The following TRIO variants were observed in gnomAD, a reference collection of about 807,000 sequenced individuals.
TRIO encodes trio Rho guanine nucleotide exchange factor, also known as triple functional domain protein.
A neutral mutation model predicts 351.9 loss-of-function variants in TRIO; 58 were observed. The observed-to-expected ratio is 0.16, with a 90% confidence interval of 0.13 to 0.21. TRIO has a LOEUF of 0.21. Among genes scored for constraint, TRIO ranks in the 10% least tolerant of loss-of-function variants. The pLI is 1.00. For missense variants in TRIO, 3,201 were observed against 4,027.8 expected (o/e 0.79, Z 5.56); for synonymous variants, 1,758 against 1,595.7 (o/e 1.10, Z -2.42).
intron 1 of TRIO, among the ~76,000 whole-genome samples, chr5:14,144,934 C>T (rs987442689): frequency 2.7e-5 from 2 of 73,512 alleles, no homozygotes; most frequent in African/African-American, 2.7e-4. Context: ...GCCTCGGGGC[C>T]GGCACCCAGA....
chr5:14,313,878 C>G (rs1382368480), intron 8 of TRIO, among the ~76,000 whole-genome samples: 1 of 152,144 alleles, frequency 6.6e-6, no homozygotes, highest in East Asian at 1.9e-4. Flanking sequence ...ATATTGGCCA[C>G]TCATATATGT....
In TRIO at chr5:14,240,397, T is replaced by C. The variant is rs374915244; in HGVS notation, c.158-30428T>C. Among the ~76,000 whole-genome samples, 65 of 152,330 alleles carry C rather than the reference T, an allele frequency of 4.3e-4. No homozygotes were observed. The South Asian group carries it at 0.013, about 30-fold the overall frequency. ...TGAAAAGATTGGGAAGGACCAATAT[T>C]CTTATGTCTGTGAAAATCACTGTAA... On this transcript the variant is annotated intron_variant, in intron 1 of 56. Transcript: ENST00000344204.
chr5:14,200,691 G>A (rs1344988315), intron 1 of TRIO, among the ~76,000 whole-genome samples: 1 of 152,148 alleles, frequency 6.6e-6, no homozygotes, highest in East Asian at 1.9e-4. Context: ...GTGCAGTAAG[G>A]GAGGGAGTCA....
At chr5:14,245,404 CTT>C (rs1794375217) in intron 1 of TRIO, among the ~76,000 whole-genome samples, 3 of 152,176 alleles carry the variant, frequency 2.0e-5, no homozygotes, top group Non-Finnish European at 4.4e-5. Flanking sequence ...CACAAAGTTT[CTT>C]ATTCAGGGGA....
chr5:14,396,379 A>G (rs1249251890), intron 28 of TRIO, among the ~76,000 whole-genome samples: 1 of 148,022 alleles, frequency 6.8e-6, no homozygotes, highest in African/African-American at 2.5e-5. Flanking sequence ...TGGACCTGAC[A>G]TGGCAGTCAG....
At chr5:14,495,517 A>T (rs1756814782) in intron 49 of TRIO, among the ~76,000 whole-genome samples, 1 of 152,030 alleles carries the variant, frequency 6.6e-6, no homozygotes, top group African/African-American at 2.4e-5. Flanking sequence ...TTGTTGTCTT[A>T]CTTTAAGAAA....
rs1158198749 is a variant in TRIO, at chr5:14,461,147, A to C, written c.5332A>C (p.Thr1778Pro). The C allele has an allele frequency of 1.3e-6, 2 of 1,556,184 alleles. No individual in the cohort carries two copies. The highest frequency in any genetic ancestry group is 1.9e-5 in the Admixed American group (1 of 51,764). The change falls in exon 35 of 57, where the codon ACC (threonine) becomes CCC (proline). Residue 1778 changes from threonine to proline, a missense_variant. Thr to Pro is a conservative substitution (Grantham distance 38). This residue lies in a region of TRIO where 193 missense variants were observed against 218.8 expected (regional missense o/e 0.88). Transcript: ENST00000344204. The part of the protein sequence containing the change: ...RPGNTLRKWL[T>P]SPVRRLSSGK... ...GGGCAACACCCTGCGCAAGTGGCTC[A>C]CCAGCCCCGTGCGGCGGCTCAGCAG...
intron 46 of TRIO, among the ~76,000 whole-genome samples, chr5:14,483,469 C>T (rs1475424933): frequency 6.6e-6 from 1 of 152,170 alleles, no homozygotes; most frequent in Non-Finnish European, 1.5e-5. Flanking sequence ...GGGCCTCCTG[C>T]CCTACGCCAT....
chr5:14,165,104 A>T (rs537309229), intron 1 of TRIO, among the ~76,000 whole-genome samples: 4 of 152,218 alleles, frequency 2.6e-5, no homozygotes, highest in Non-Finnish European at 5.9e-5. Context: ...CCTTCCCAGT[A>T]GCTCTACTTT....
Position 14,482,697 on chromosome 5 carries a change from T to A in TRIO, c.6581T>A (p.Ile2194Asn). 6.2e-7 allele frequency: 1 copy of A among 1,611,920 alleles called. No individual in the cohort carries two copies. Among genetic ancestry groups the A allele is most frequent in the Non-Finnish European group, 8.5e-7 (1 of 1,178,632 alleles). Reference protein sequence around the residue: ...RERRIFLFEQIVIFSEPLDKK... With the variant: ...RERRIFLFEQNVIFSEPLDKK... Reference sequence around the variant, plus strand: ...AGGCGCATCTTCCTCTTTGAGCAGATCGTCATATTCAGCGAACCACTTGAT... The same window carrying A: ...AGGCGCATCTTCCTCTTTGAGCAGAACGTCATATTCAGCGAACCACTTGAT... The change falls in exon 46 of 57, where the codon ATC becomes AAC. Residue 2194 changes from isoleucine (I) to asparagine (N), a missense_variant. Transcript: ENST00000344204.
At chr5:14,428,698 A>G (rs1382224679) in intron 34 of TRIO, among the ~76,000 whole-genome samples, 1 of 152,216 alleles carries the variant, frequency 6.6e-6, no homozygotes, top group Non-Finnish European at 1.5e-5. Context: ...AACAGGAAAA[A>G]TCCACGAGCA....
At chr5:14,207,822 T>C (rs1162907279) in intron 1 of TRIO, among the ~76,000 whole-genome samples, 1 of 152,104 alleles carries the variant, frequency 6.6e-6, no homozygotes, top group East Asian at 1.9e-4. Context: ...AGAACTTTTA[T>C]AACACAATAA....
intron 34 of TRIO, among the ~76,000 whole-genome samples, chr5:14,430,750 C>G (rs1751037561): frequency 6.6e-6 from 1 of 151,774 alleles, no homozygotes; most frequent in Non-Finnish European, 1.5e-5. Flanking sequence ...GAGTCTTGCT[C>G]TGTCACCCAG....
At chr5:14,168,003 G>T (rs537052663) in intron 1 of TRIO, among the ~76,000 whole-genome samples, 19 of 152,222 alleles carry the variant, frequency 1.2e-4, no homozygotes, top group Non-Finnish European at 2.6e-4. Context: ...AATCAGGAAG[G>T]GAAGAAGCTA....
chr5:14,253,974 T>A (rs2152250952), intron 1 of TRIO, among the ~76,000 whole-genome samples: 1 of 146,512 alleles, frequency 6.8e-6, no homozygotes, highest in Middle Eastern at 3.5e-3. Flanking sequence ...TTCTTTCTGA[T>A]TTTTTTTTTT....
intron 9 of TRIO, among the ~76,000 whole-genome samples, chr5:14,319,551 C>T (rs1188379356): frequency 1.3e-5 from 2 of 152,138 alleles, no homozygotes; most frequent in Middle Eastern, 3.2e-3. Context: ...TTTGTAAAGA[C>T]AGTAGTAACC....
At position 14,270,960 on chromosome 5, in the gene TRIO, C is replaced by T. The variant is rs773137865; in HGVS notation, c.232+61C>T. 70 of 1,230,626 alleles carry T rather than the reference C, an allele frequency of 5.7e-5. No homozygotes were observed. The Admixed American group carries it at 8.3e-4, about 15-fold the overall frequency. 76.2% of individuals were successfully genotyped at this position (1,230,626 alleles called of 1,614,324 possible). On this transcript the variant is annotated intron_variant, in intron 2 of 56. Transcript: ENST00000344204. The stretch of plus-strand genomic sequence containing the variant: ...GCTCTGACACAATTTCAGAGTCTGA[C>T]GTAATAAATGAACTCACCTGCCACA...
chr5:14,498,551 G>A lies in TRIO; in HGVS notation c.8243G>A (p.Gly2748Asp). Residue 2748 changes from glycine to aspartate, a missense_variant, in exon 53 of 57, where the codon GGC becomes GAC. Gly to Asp is a moderately conservative substitution (Grantham distance 94). Transcript: ENST00000344204. ...DLGEATLKIV[G>D]VTTEDDGIYT... ...GGAGAGGCCACGCTGAAGATTGTGGGCGTGACCACGGAAGATGACGGCATC... is the reference window on the plus strand; with the variant it reads ...GGAGAGGCCACGCTGAAGATTGTGGACGTGACCACGGAAGATGACGGCATC... 1 of 1,613,836 alleles carries A rather than the reference G, an allele frequency of 6.2e-7. No individual in the cohort carries two copies. Among genetic ancestry groups the A allele is most frequent in the Non-Finnish European group, 8.5e-7 (1 of 1,179,902 alleles).
intron 31 of TRIO, among the ~76,000 whole-genome samples, chr5:14,403,133 G>A (rs1446271265): frequency 2.9e-5 from 4 of 135,706 alleles, no homozygotes; most frequent in Admixed American, 7.6e-5. Flanking sequence ...GTTGTGGTGA[G>A]GGTGCAGGTT....
Sources: allele counts gnomAD v4.1 joint callset (sites outside exome capture counted in the v4.1 genomes callset), GRCh38; gene constraint gnomAD v4.1.1; regional missense constraint gnomAD v4.1.1; transcripts MANE v1.5; gene names NCBI Gene and HGNC (gene_info 2026-07-23, HGNC 2026-07-21).